Variants in CDC14B observed in about 807,000 individuals in gnomAD.
CDC14B encodes cell division cycle 14B.
In CDC14B, 22 loss-of-function variants were observed where a neutral mutation model predicts 64.2. That is an observed-to-expected ratio of 0.34 (90% CI 0.24 to 0.49). CDC14B has a LOEUF of 0.49. Among genes scored for constraint, CDC14B ranks in the 20% least tolerant of loss-of-function variants. The pLI, the probability that CDC14B is intolerant of heterozygous loss-of-function variation, is 0.99. For missense variants in CDC14B, 498 were observed against 629.9 expected, an observed-to-expected ratio of 0.79 and a Z score of 2.24; for synonymous variants, 191 against 215.8, an observed-to-expected ratio of 0.89 and a Z score of 1.01.
intron 9 of CDC14B, among the ~76,000 whole-genome samples, chr9:96,529,908 T>C (rs1838173822): frequency 6.6e-6 from 1 of 152,210 alleles, no homozygotes. Context: ...ATCATTTTTC[T>C]ATTTTTGCAA....
chr9:96,613,658 T>C (rs370370730), intron 1 of CDC14B, among the ~76,000 whole-genome samples: 12 of 152,210 alleles, frequency 7.9e-5, no homozygotes, highest in Non-Finnish European at 1.6e-4. Context: ...CAAATTTAAG[T>C]GTAAGTAAAG....
chr9:96,518,963 T>C lies in CDC14B; in HGVS notation c.1343+3543A>G, dbSNP rs974996420. ...CATCCTGGCTAACACAGTGAAACCC[T>C]GTCTCTACTAAAAATACAAAAATTT... On this transcript the variant is annotated intron_variant, in intron 12 of 13. Transcript: ENST00000375241. 5.3e-5 allele frequency among the ~76,000 whole-genome samples: 8 copies of C among 151,722 alleles called. 1 individual carries two copies. Among genetic ancestry groups the C allele is most frequent in the South Asian group, 4.2e-4 (2 of 4,802 alleles).
intron 9 of CDC14B, among the ~76,000 whole-genome samples, chr9:96,526,301 G>A (rs1257378028): frequency 6.6e-6 from 1 of 152,202 alleles, no homozygotes; most frequent in Non-Finnish European, 1.5e-5. Context: ...CCGGGAGGCG[G>A]AGCTTGCAGT....
intron 1 of CDC14B, among the ~76,000 whole-genome samples, chr9:96,607,588 T>C (rs767658771): frequency 6.6e-6 from 1 of 150,788 alleles, no homozygotes; most frequent in Non-Finnish European, 1.5e-5. Context: ...GCCTGGCTAA[T>C]TTTTTTTTGC....
chr9:96,533,019 T>G (rs1587849623), intron 9 of CDC14B, among the ~76,000 whole-genome samples: 3 of 152,174 alleles, frequency 2.0e-5, no homozygotes. Flanking sequence ...CAGGCTGGAG[T>G]GCAGTGGCAT....
intron 12 of CDC14B, among the ~76,000 whole-genome samples, chr9:96,522,136 A>G (rs1000294139): frequency 6.6e-6 from 1 of 152,240 alleles, no homozygotes; most frequent in Admixed American, 6.5e-5. Flanking sequence ...CATGCTTATC[A>G]AAACAAATGA....
intron 1 of CDC14B, among the ~76,000 whole-genome samples, chr9:96,592,412 T>C (rs999502929): frequency 6.6e-6 from 1 of 152,240 alleles, no homozygotes; most frequent in African/African-American, 2.4e-5. Context: ...CAAATTCCTA[T>C]GCACTTATCG....
intron 1 of CDC14B, among the ~76,000 whole-genome samples, chr9:96,594,352 T>C (rs1398931260): frequency 1.3e-5 from 2 of 151,902 alleles, no homozygotes; most frequent in Admixed American, 1.3e-4. Flanking sequence ...ACCCTAGAGA[T>C]TTGCAAAGGG....
chr9:96,614,438 C>A (rs537514068), intron 1 of CDC14B, among the ~76,000 whole-genome samples: 2 of 152,034 alleles, frequency 1.3e-5, no homozygotes, highest in Non-Finnish European at 2.9e-5. Flanking sequence ...CCGCCTTGGC[C>A]TCCCAAAGTG....
chr9:96,493,406 G>C lies in CDC14B; in HGVS notation c.*81-154C>G, dbSNP rs73542415. Among the ~76,000 whole-genome samples the C allele has an allele frequency of 1.9e-3, 292 of 152,392 alleles. 1 individual carries two copies. The highest frequency in any genetic ancestry group is 6.6e-3 in the African/African-American group (276 of 41,600). On this transcript the variant is annotated intron_variant and NMD_transcript_variant, in intron 13 of 13. Transcript: ENST00000474602. The stretch of plus-strand genomic sequence containing the variant: ...ACAACCTGGGGTGGGCTGCGGGCGT[G>C]AGAGGCTTTGGCCTGGCTGTGTCCC...
Position 96,572,016 on chromosome 9 carries a change from G to C in CDC14B, c.161-6533C>G, listed in dbSNP as rs560913758. Among the ~76,000 whole-genome samples the C allele has an allele frequency of 2.0e-5, 3 of 152,162 alleles. No individual in the cohort carries two copies. In the South Asian group the frequency reaches 6.2e-4, roughly 32 times the overall value. ...GACAAGCAATGAAATCTCCACTAGA[G>C]GCCCAAAGGACAGGGTTCAGAGGGC... is the stretch of plus-strand genomic sequence containing the variant. On this transcript the variant is annotated intron_variant, in intron 1 of 13. Transcript: ENST00000375241.
At position 96,503,682 on chromosome 9, in the gene CDC14B, C is replaced by G. The variant is rs1355525950; in HGVS notation, c.*71G>C. 1.0e-5 allele frequency: 14 copies of G among 1,399,958 alleles called. No homozygotes were observed. Among genetic ancestry groups the G allele is most frequent in the Non-Finnish European group, 1.4e-5 (14 of 1,000,886 alleles). 86.7% of individuals were successfully genotyped at this position (1,399,958 alleles called of 1,614,324 possible). On this transcript the variant is annotated 3_prime_UTR_variant, in exon 14 of 14. Coordinates refer to ENST00000375241, the MANE Select transcript of CDC14B (RefSeq NM_033331.4). ...GGCTTTTGCAATTTTGTTTTGTTTT[C>G]AAATTGTGCTAATTTCTGTTGCAGT... is the stretch of plus-strand genomic sequence containing the variant.
intron 1 of CDC14B, among the ~76,000 whole-genome samples, chr9:96,571,857 C>T (rs1461546909): frequency 3.3e-5 from 5 of 152,102 alleles, no homozygotes; most frequent in African/African-American, 1.2e-4. Flanking sequence ...ACAAAGCATC[C>T]CACCCCATAC....
chr9:96,537,138 A>G (rs1427269128), intron 7 of CDC14B, among the ~76,000 whole-genome samples: 1 of 152,012 alleles, frequency 6.6e-6, no homozygotes, highest in East Asian at 1.9e-4. Context: ...AAAAAATTAC[A>G]AAATTAGCTG....
chr9:96,497,466 T>C (rs1348943652), downstream of CDC14B, among the ~76,000 whole-genome samples: 1 of 152,208 alleles, frequency 6.6e-6, no homozygotes, highest in Admixed American at 6.5e-5. Flanking sequence ...GCCAACCGCT[T>C]GGAAGACAAA....
chr9:96,596,349 T>C (rs1202781816), intron 1 of CDC14B, among the ~76,000 whole-genome samples: 1 of 132,902 alleles, frequency 7.5e-6, no homozygotes, highest in Non-Finnish European at 1.5e-5. Flanking sequence ...TGGGAGACAG[T>C]GCAAGACTCC....
intron 5 of CDC14B, among the ~76,000 whole-genome samples, chr9:96,543,686 A>G (rs1840408228): frequency 1.3e-5 from 2 of 152,192 alleles, no homozygotes; most frequent in African/African-American, 2.4e-5. Flanking sequence ...ACCTTGAGCC[A>G]TTACAAGATG....
downstream of CDC14B, chr9:96,496,247 T>C (rs771715806): frequency 2.3e-5 from 11 of 486,782 alleles, no homozygotes; most frequent in Non-Finnish European, 4.5e-5. Flanking sequence ...GAACTTGCAG[T>C]GGGCAACGGG....
At chr9:96,494,624 C>A (rs183514915) in intron 13 of CDC14B, among the ~76,000 whole-genome samples, 100 of 152,286 alleles carry the variant, frequency 6.6e-4, no homozygotes, top group African/African-American at 2.3e-3. Context: ...GCTCTCACAC[C>A]CCCCACAGCT....
Sources: allele counts gnomAD v4.1 joint callset (sites outside exome capture counted in the v4.1 genomes callset), GRCh38; gene constraint gnomAD v4.1.1; transcripts MANE v1.5; gene names NCBI Gene and HGNC (gene_info 2026-07-23, HGNC 2026-07-21).